ZNF804B: variants seen among roughly 807,000 people sequenced by gnomAD.
ZNF804B encodes the protein zinc finger protein 804B.
In ZNF804B, 80 loss-of-function variants were observed where a neutral mutation model predicts 101.4. That is an observed-to-expected ratio of 0.79 (90% CI 0.66 to 0.95). The LOEUF is 0.95. ZNF804B is among the 40% of genes least tolerant of loss of function. The probability of loss-of-function intolerance (pLI) is 0.00; values close to 1 mark genes in which losing one functional copy is unlikely to be tolerated. For synonymous variants in ZNF804B, 622 were observed against 558.8 expected (o/e 1.11, Z -1.59); for missense variants, 1,673 against 1,561.9 (o/e 1.07, Z -1.20).
chr7:89,186,411 T>G (rs1451719176), intron 1 of ZNF804B, among the ~76,000 whole-genome samples: 1 of 152,124 alleles, frequency 6.6e-6, no homozygotes, highest in Non-Finnish European at 1.5e-5. Flanking sequence ...GAAAAAGTCT[T>G]TGCTTGTTTG....
intron 1 of ZNF804B, among the ~76,000 whole-genome samples, chr7:89,060,511 T>G (rs1490919750): frequency 6.6e-6 from 1 of 152,088 alleles, no homozygotes; most frequent in African/African-American, 2.4e-5. Context: ...CTTACAAAAT[T>G]TGTCGATCAC....
chr7:89,034,511 T>C (rs1484035173), intron 1 of ZNF804B, among the ~76,000 whole-genome samples: 1 of 152,142 alleles, frequency 6.6e-6, no homozygotes, highest in East Asian at 1.9e-4. Flanking sequence ...TTTGGTTTTC[T>C]GTATCTGTGT....
chr7:88,898,697 G>T (rs140037060), intron 1 of ZNF804B, among the ~76,000 whole-genome samples: 2 of 152,078 alleles, frequency 1.3e-5, no homozygotes, highest in African/African-American at 4.8e-5. Context: ...TTTTCTTCAA[G>T]AGGATTCAAT....
intron 1 of ZNF804B, among the ~76,000 whole-genome samples, chr7:89,075,505 T>C (rs1173108905): frequency 6.6e-6 from 1 of 152,120 alleles, no homozygotes; most frequent in Non-Finnish European, 1.5e-5. Flanking sequence ...AGAACTGAGC[T>C]TCAGGAACCT....
chr7:88,877,676 G>C (rs1791973711), intron 1 of ZNF804B, among the ~76,000 whole-genome samples: 1 of 152,060 alleles, frequency 6.6e-6, no homozygotes, highest in South Asian at 2.1e-4. Context: ...ACCTCATAGA[G>C]TGAGTAGAAG....
At chr7:88,946,768 C>A (rs947389827) in intron 1 of ZNF804B, among the ~76,000 whole-genome samples, 2 of 151,722 alleles carry the variant, frequency 1.3e-5, no homozygotes, top group African/African-American at 4.8e-5. Flanking sequence ...TAATTACTGC[C>A]TCAATTTCAG....
intron 1 of ZNF804B, among the ~76,000 whole-genome samples, chr7:88,868,048 A>AGTGTGTGTGT (rs34267852): frequency 1.4e-5 from 2 of 142,762 alleles, no homozygotes; most frequent in Admixed American, 7.0e-5. Flanking sequence ...TGTGTGTGTG[A>AGTGTGTGTGT]GTGTGTGTGT....
chr7:89,318,083 T>G (rs1043212983), intron 2 of ZNF804B, among the ~76,000 whole-genome samples: 1 of 152,166 alleles, frequency 6.6e-6, no homozygotes, highest in Non-Finnish European at 1.5e-5. Flanking sequence ...TCATTTATGG[T>G]GATTAAAAGA....
Position 88,947,473 on chromosome 7 carries a change from C to T in ZNF804B, c.108+187389C>T, listed in dbSNP as rs144205947. Among the ~76,000 whole-genome samples the T allele has an allele frequency of 3.1e-3, 460 of 150,780 alleles. 1 individual carries two copies. The highest frequency in any genetic ancestry group is 1.0e-2 in the African/African-American group (408 of 40,992). ...AAGTGGGAGTTGAACAATGAGAACA[C>T]GTGGACACAGGGAGGGGAACATCAA... On this transcript the variant is annotated intron_variant, in intron 1 of 3. Transcript: ENST00000333190.
chr7:89,171,350 TTCTTCTTCCTCCTCTTCCTCTTCTTCC>T (rs1791228308), intron 1 of ZNF804B, among the ~76,000 whole-genome samples: 7 of 112,564 alleles, frequency 6.2e-5, no homozygotes, highest in Non-Finnish European at 1.3e-4. Flanking sequence ...CTTCTTCTTC[TTCTTCTTCCTCCTCTTCCTCTTCTTCC>T]TCTTCTTCCT....
At chr7:89,060,218 A>G (rs1789358671) in intron 1 of ZNF804B, among the ~76,000 whole-genome samples, 3 of 152,200 alleles carry the variant, frequency 2.0e-5, no homozygotes, top group South Asian at 4.1e-4. Flanking sequence ...TAAGTCCACT[A>G]TATCTATATA....
chr7:88,917,931 TC>T (rs1172134416), intron 1 of ZNF804B, among the ~76,000 whole-genome samples: 2 of 152,088 alleles, frequency 1.3e-5, no homozygotes. Flanking sequence ...TTAGTCAATA[TC>T]TGAAAGAGAG....
chr7:89,293,207 C>T (rs1790324419), intron 2 of ZNF804B, among the ~76,000 whole-genome samples: 1 of 151,834 alleles, frequency 6.6e-6, no homozygotes, highest in Non-Finnish European at 1.5e-5. Flanking sequence ...TTTAATTATA[C>T]ACTTTTCTTT....
intron 1 of ZNF804B, among the ~76,000 whole-genome samples, chr7:88,935,533 A>T (rs78210520): frequency 2.0e-5 from 3 of 150,662 alleles, no homozygotes; most frequent in African/African-American, 7.3e-5. Context: ...TTTTTTATTA[A>T]TTTTTTTTTA....
chr7:89,156,012 TCTC>T (rs1366759326), intron 1 of ZNF804B, among the ~76,000 whole-genome samples: 141 of 98,344 alleles, frequency 1.4e-3, no homozygotes, highest in Non-Finnish European at 1.7e-3. Context: ...TCTTTCTTTC[TCTC>T]TTTCCTTTCT....
chr7:89,030,416 T>C (rs944639564), intron 1 of ZNF804B, among the ~76,000 whole-genome samples: 1 of 152,146 alleles, frequency 6.6e-6, no homozygotes, highest in Admixed American at 6.6e-5. Context: ...AATATTGCTA[T>C]ATCAGAGAGT....
rs558686552 is a variant in ZNF804B at position 89,038,081 on chromosome 7, G to A, written c.109-180074G>A. ...TTTCTTTATCCATTAATCTATTGAT[G>A]TGCACTTACATTGATTCCATATCTT... On this transcript the variant is annotated intron_variant, in intron 1 of 3. Coordinates refer to ENST00000333190, the MANE Select transcript of ZNF804B (RefSeq NM_181646.5). 2.6e-5 allele frequency among the ~76,000 whole-genome samples: 4 copies of A among 152,136 alleles called. 1 individual carries two copies. The East Asian group carries it at 7.7e-4, about 29-fold the overall frequency.
chr7:89,219,852 AT>A (rs1386683534), intron 2 of ZNF804B, among the ~76,000 whole-genome samples: 29 of 143,098 alleles, frequency 2.0e-4, no homozygotes, highest in Non-Finnish European at 3.0e-4. Flanking sequence ...ATGTATATAT[AT>A]GTATATATGT....
intron 1 of ZNF804B, among the ~76,000 whole-genome samples, chr7:89,067,426 A>G (rs1197754326): frequency 6.6e-6 from 1 of 152,110 alleles, no homozygotes; most frequent in Non-Finnish European, 1.5e-5. Flanking sequence ...TATATGTACA[A>G]ACTCCTTAAC....
Sources: allele counts gnomAD v4.1 joint callset (sites outside exome capture counted in the v4.1 genomes callset), GRCh38; gene constraint gnomAD v4.1.1; transcripts MANE v1.5; gene names NCBI Gene and HGNC (gene_info 2026-07-23, HGNC 2026-07-21).